Variants in ZNF219 observed in about 807,000 individuals in gnomAD.
ZNF219 encodes zinc finger protein 219.
In ZNF219, 17 loss-of-function variants were observed where a neutral mutation model predicts 54.4. That is an observed-to-expected ratio of 0.31 (90% confidence interval 0.21 to 0.47). The LOEUF is 0.47. Ranked by LOEUF, ZNF219 falls within the 20% of genes least tolerant of loss-of-function variation. The pLI is 1.00. For synonymous variants in ZNF219, 518 were observed against 476.4 expected (o/e 1.09, Z -1.14); for missense variants, 1,014 against 1,062.3 (o/e 0.95, Z 0.63).
Position 21,092,971 on chromosome 14 carries a change from G to C in ZNF219, c.326C>G (p.Pro109Arg). ...LLRSHLRTHQ[P>R]ERPRSPAARL... The stretch of plus-strand genomic sequence containing the variant: ...TGCAGCAGGACTACGTGGGCGCTCG[G>C]GCTGGTGTGTGCGCAGGTGCGAGCG... Residue 109 changes from proline to arginine, a missense_variant, in exon 3 of 5, where the codon CCC becomes CGC. Transcript: ENST00000360947. The C allele has an allele frequency of 6.3e-7, 1 of 1,593,684 alleles. No individual in the cohort carries two copies. Among genetic ancestry groups the C allele is most frequent in the Non-Finnish European group, 8.5e-7 (1 of 1,172,386 alleles).
upstream of ZNF219, chr14:21,103,370 A>C: frequency 1.4e-6 from 2 of 1,446,844 alleles, no homozygotes; most frequent in Non-Finnish European, 1.8e-6. Context: ...CACTCAAAGC[A>C]GGCCCTTTTT....
At chr14:21,094,174 G>A (rs1235805778) in intron 1 of ZNF219, among the ~76,000 whole-genome samples, 5 of 151,946 alleles carry the variant, frequency 3.3e-5, no homozygotes, top group Non-Finnish European at 7.4e-5. Flanking sequence ...CCCTCCCTCC[G>A]CCTGGATTCC....
In ZNF219 at chr14:21,090,784, G is replaced by A; in HGVS notation, c.1921C>T (p.Pro641Ser). Residue 641 changes from proline to serine, a missense_variant, in exon 5 of 5, where the codon CCT becomes TCT. Physicochemically the swap from Pro to Ser is moderately conservative, Grantham distance 74 (BLOSUM62 -1). This residue lies in a region of ZNF219 where 281 missense variants were observed against 271.2 expected (regional missense o/e 1.04). Coordinates refer to ENST00000360947, the MANE Select transcript of ZNF219 (RefSeq NM_016423.3). This position sits in a 1 kb window ranked among gnomAD's most constrained non-coding sequence, Gnocchi z 4.4. Reference protein sequence around the residue: ...LRAGPGGEAGPGGALHRCLFC... With the variant: ...LRAGPGGEAGSGGALHRCLFC... ...AGGCAGCGGTGGAGGGCACCCCCAG[G>A]CCCGGCCTCGCCTCCCGGCCCTGCC... is the stretch of plus-strand genomic sequence containing the variant. 6.3e-7 allele frequency: 1 copy of A among 1,588,130 alleles called. No homozygotes were observed. Among genetic ancestry groups the A allele is most frequent in the Non-Finnish European group, 8.6e-7 (1 of 1,168,040 alleles).
upstream of ZNF219, among the ~76,000 whole-genome samples, chr14:21,100,369 T>TATAATAATAATAATAATAATA (rs3061999): frequency 5.4e-5 from 8 of 149,324 alleles, no homozygotes; most frequent in Admixed American, 2.0e-4. Context: ...GTCTCAATAA[T>TATAATAATAATAATAATAATA]ATAATAATAA....
upstream of ZNF219, chr14:21,103,192 C>T (rs1252796681): frequency 3.2e-6 from 5 of 1,551,530 alleles, no homozygotes; most frequent in African/African-American, 6.8e-5. Context: ...CCACGGTGGC[C>T]AGCACAGGAG....
chr14:21,094,573 G>A (rs1889175329), intron 1 of ZNF219: 2 of 367,858 alleles, frequency 5.4e-6, no homozygotes, highest in Admixed American at 3.5e-5. Flanking sequence ...GGGACGGGGG[G>A]CGGGGCTGGG....
intron 2 of ZNF219, 65 bp from the exon 3 acceptor site, chr14:21,093,355 G>A: frequency 6.6e-7 from 1 of 1,507,548 alleles, no homozygotes; most frequent in South Asian, 1.3e-5. Flanking sequence ...CAAGGGCGTC[G>A]CCTCGAGGGC....
chr14:21,092,460 G>A lies in ZNF219; in HGVS notation c.837C>T (p.Cys279=), dbSNP rs745985665. 3 of 1,557,652 alleles carry A rather than the reference G, an allele frequency of 1.9e-6. No individual in the cohort carries two copies. Among genetic ancestry groups the A allele is most frequent in the Middle Eastern group, 1.7e-4 (1 of 5,998 alleles). The part of the protein sequence containing the change: ...PAPPEFRCQV[C]GQSFTQSWFL... Reference sequence around the variant, plus strand: ...ACCAAGACTGTGTAAAGCTCTGGCCGCACACTTGGCAGCGGAACTCCGGAG... The same window carrying A: ...ACCAAGACTGTGTAAAGCTCTGGCCACACACTTGGCAGCGGAACTCCGGAG... Residue 279 remains cysteine (C), a synonymous_variant, in exon 3 of 5, where the codon TGC becomes TGT. Transcript: ENST00000360947.
At chr14:21,094,366 G>A (rs761388363) in intron 1 of ZNF219, 3 of 455,902 alleles carry the variant, frequency 6.6e-6, no homozygotes, top group South Asian at 4.6e-5. Flanking sequence ...GCTAGCCTGG[G>A]GAAGGGGCTA....
At position 21,092,660 on chromosome 14, in the gene ZNF219, C is replaced by A; in HGVS notation, c.637G>T (p.Gly213Trp). 1 of 1,569,500 alleles carries A rather than the reference C, an allele frequency of 6.4e-7. No individual in the cohort carries two copies. ...GCCGCCAGGGGACGCTCGGGAGCCC[C>A]GTGGGCCGTCAGGCTGTGGTGCAGC... ...ELLHHSLTAH[G>W]APERPLAATS... The change falls in exon 3 of 5, where the codon GGG (glycine) becomes TGG (tryptophan). Residue 213 changes from glycine (G) to tryptophan (W), a missense_variant. Around this residue, in one of 5 missense-constraint regions of ZNF219, gnomAD observed 395 missense variants for 415.1 expected, o/e 0.95. Transcript: ENST00000360947.
chr14:21,102,225 C>A, upstream of ZNF219: 1 of 1,424,468 alleles, frequency 7.0e-7, no homozygotes, highest in Non-Finnish European at 9.5e-7. Context: ...ATTCTCTCAG[C>A]TGTCACCACT....
upstream of ZNF219, chr14:21,103,060 A>G (rs1889747561): frequency 6.5e-7 from 1 of 1,547,136 alleles, no homozygotes; most frequent in African/African-American, 1.4e-5. Flanking sequence ...AAAATTGGGC[A>G]GGAGGAAGCA....
chr14:21,091,430 C>T lies in ZNF219; in HGVS notation c.1545G>A (p.Val515=), dbSNP rs1273513409. 1 of 1,601,832 alleles carries T rather than the reference C, an allele frequency of 6.2e-7. No homozygotes were observed. The highest frequency in any genetic ancestry group is 1.7e-5 in the Admixed American group (1 of 59,800). The part of the protein sequence containing the change: ...KSFRSAHHLK[V]HLRVHTGERP... ...CCTCACCTGTGTGCACTCGCAGATG[C>T]ACTTTGAGGTGATGTGCTGAGCGGA... The change falls in exon 4 of 5, where the codon GTG becomes GTA. Residue 515 remains valine, a synonymous_variant. Coordinates refer to ENST00000360947, the MANE Select transcript of ZNF219 (RefSeq NM_016423.3).
Position 21,093,277 on chromosome 14 carries a change from C to T in ZNF219, c.20G>A (p.Arg7His). MEGSRPRAPSGHLAPSP... is the reference protein window; with the variant it reads MEGSRPHAPSGHLAPSP... ...CGGCGCTAAGTGGCCGCTCGGGGCG[C>T]GGGGACGTGAGCCCTGTGGAGAAAG... Residue 7 changes from arginine to histidine, a missense_variant, in exon 3 of 5, where the codon CGC (arginine) becomes CAC (histidine). Physicochemically the swap from Arg to His is conservative, Grantham distance 29 (BLOSUM62 0). Transcript: ENST00000360947. 1 of 1,585,814 alleles carries T rather than the reference C, an allele frequency of 6.3e-7. No individual in the cohort carries two copies. Among genetic ancestry groups the T allele is most frequent in the Non-Finnish European group, 8.5e-7 (1 of 1,173,470 alleles).
rs74036595 is a variant in ZNF219, at chr14:21,091,771, G to A, written c.1432+94C>T. On this transcript the variant is annotated intron_variant, in intron 3 of 4. Coordinates refer to ENST00000360947, the MANE Select transcript of ZNF219 (RefSeq NM_016423.3). Reference sequence around the variant, plus strand: ...CAAAAAAACTCAGGAGAAATTAAACGTAAGTTCTTTTAACAAGGAAGCTAC... The same window carrying A: ...CAAAAAAACTCAGGAGAAATTAAACATAAGTTCTTTTAACAAGGAAGCTAC... The A allele has an allele frequency of 3.4e-6, 5 of 1,465,612 alleles. No homozygotes were observed. The African/African-American group carries it at 4.2e-5, about 12-fold the overall frequency. 90.8% of individuals were successfully genotyped at this position (1,465,612 alleles called of 1,614,324 possible).
upstream of ZNF219, chr14:21,103,266 C>G (rs140414254): frequency 6.5e-7 from 1 of 1,550,384 alleles, no homozygotes; most frequent in African/African-American, 1.4e-5. Flanking sequence ...TGAGAGAATG[C>G]TCTCCAGACA....
rs1368767531 is a variant in ZNF219 at position 21,092,012 on chromosome 14, C to T, written c.1285G>A (p.Glu429Lys). The T allele has an allele frequency of 1.9e-6, 3 of 1,554,392 alleles. No individual in the cohort carries two copies. Among genetic ancestry groups the T allele is most frequent in the Non-Finnish European group, 2.6e-6 (3 of 1,149,424 alleles). ...RRHRAEEPEE[E>K]EEVVEAEEET... The stretch of plus-strand genomic sequence containing the variant: ...TCCTCGGCCTCCACCACCTCCTCTT[C>T]TTCCTCAGGCTCCTCCGCACGGTGC... The change falls in exon 3 of 5, where the codon GAA becomes AAA. Residue 429 changes from glutamate (E) to lysine (K), a missense_variant. Coordinates refer to ENST00000360947, the MANE Select transcript of ZNF219 (RefSeq NM_016423.3).
chr14:21,091,556 G>A lies in ZNF219; in HGVS notation c.1433-14C>T, dbSNP rs560182712. The A allele has an allele frequency of 3.3e-5, 53 of 1,588,458 alleles. No homozygotes were observed. In the South Asian group the frequency reaches 4.8e-4, roughly 14 times the overall value. On this transcript the variant is annotated splice_polypyrimidine_tract_variant and intron_variant, in intron 3 of 4. Transcript: ENST00000360947. The stretch of plus-strand genomic sequence containing the variant: ...GCCCATTCTCTTCTGCAACACATAC[G>A]TTAAGAGGAAGTCAGGGGGGCCCAC...
intron 1 of ZNF219, among the ~76,000 whole-genome samples, chr14:21,094,906 C>G (rs1233393962): frequency 1.5e-5 from 1 of 67,794 alleles, no homozygotes; most frequent in African/African-American, 7.9e-5. Context: ...GTGGGTCTAA[C>G]CTTTTTTTTT....
Sources: gnomAD v4.1 joint callset for allele counts (sites outside exome capture counted in the v4.1 genomes callset) on GRCh38, gnomAD v4.1.1 for gene constraint, gnomAD v4.1.1 regional missense constraint, Gnocchi (gnomAD v3.1) non-coding constraint, MANE v1.5 for transcripts, NCBI Gene and HGNC (gene_info 2026-07-23, HGNC 2026-07-21) for gene names.